The following ABI1 variants were observed in gnomAD, a reference collection of about 807,000 sequenced individuals.
The protein encoded by ABI1 is Abelson interactor 1.
In ABI1, 14 loss-of-function variants were observed where a neutral mutation model predicts 54.6. The observed-to-expected ratio is 0.26, with a 90% confidence interval of 0.17 to 0.40. ABI1 has a LOEUF of 0.40. Among genes scored for constraint, ABI1 ranks in the 10% least tolerant of loss-of-function variants. The pLI, the probability that ABI1 is intolerant of heterozygous loss-of-function variation, is 1.00. For synonymous variants in ABI1, 194 were observed against 209.3 expected (o/e 0.93, Z 0.63); for missense variants, 443 against 598.3 (o/e 0.74, Z 2.71).
At chr10:26,755,884 A>C in intron 8 of ABI1, 143 bp from the exon 9 acceptor site, 1 of 531,102 alleles carries the variant, frequency 1.9e-6, no homozygotes, top group Non-Finnish European at 3.2e-6. Flanking sequence ...CAAAACAAAA[A>C]ACAAAACAAA....
intron 2 of ABI1, among the ~76,000 whole-genome samples, chr10:26,798,952 C>T (rs181924974): frequency 1.6e-4 from 24 of 150,930 alleles, no homozygotes; most frequent in Middle Eastern, 3.4e-3. Flanking sequence ...AACAAATCTC[C>T]GAAGGAAGTT....
At chr10:26,839,666 A>AAAT (rs35759617) in intron 1 of ABI1, 8,883 of 629,932 alleles carry the variant, frequency 0.014, 103 homozygotes, top group East Asian at 0.053. Flanking sequence ...AAAAAAAAAA[A>AAAT]CATGCCAGGC....
At chr10:26,852,614 A>G (rs1280853318) in intron 1 of ABI1, among the ~76,000 whole-genome samples, 1 of 152,200 alleles carries the variant, frequency 6.6e-6, no homozygotes, top group Non-Finnish European at 1.5e-5. Context: ...TTAATTTCCC[A>G]TGGGTTCTGA....
rs1173767563 is a variant in ABI1 at position 26,833,771 on chromosome 10, C to CACACAT, written c.118-10467_118-10466insATGTGT. Among the ~76,000 whole-genome samples, 92 of 14,684 alleles carry CACACAT rather than the reference C, an allele frequency of 6.3e-3. 1 individual carries two copies. Among genetic ancestry groups the CACACAT allele is most frequent in the Middle Eastern group, 0.05 (1 of 20 alleles). 9.6% of individuals were successfully genotyped at this position (14,684 alleles called of 152,430 possible). Reference sequence around the variant, plus strand: ...GATAATGTATATCACAATATTTATACACACACACACACACACACACACTTC... The same window carrying CACACAT: ...GATAATGTATATCACAATATTTATACACACATACACACACACACACACACACACTTC... On this transcript the variant is annotated intron_variant, in intron 1 of 10. Coordinates refer to ENST00000376140, the MANE Select transcript of ABI1 (RefSeq NM_001012750.3).
At chr10:26,805,211 T>C (rs1439249343) in intron 2 of ABI1, among the ~76,000 whole-genome samples, 5 of 152,214 alleles carry the variant, frequency 3.3e-5, no homozygotes, top group African/African-American at 7.2e-5. Flanking sequence ...TGCCATGCTA[T>C]GGTATCTGAA....
intron 1 of ABI1, among the ~76,000 whole-genome samples, chr10:26,832,812 G>C (rs1352540700): frequency 2.0e-5 from 3 of 151,990 alleles, no homozygotes; most frequent in South Asian, 2.1e-4. Context: ...AGAGATGAGA[G>C]GATCAGGGAA....
intron 2 of ABI1, among the ~76,000 whole-genome samples, chr10:26,781,778 AAT>A (rs1176485283): frequency 6.6e-6 from 1 of 152,192 alleles, no homozygotes; most frequent in Non-Finnish European, 1.5e-5. Flanking sequence ...CTGGGTCACT[AAT>A]ATAGATGTTT....
At chr10:26,834,548 AACACACACACACACAC>A (rs571268846) in intron 1 of ABI1, among the ~76,000 whole-genome samples, 19 of 138,624 alleles carry the variant, frequency 1.4e-4, no homozygotes, top group Middle Eastern at 3.5e-3. Context: ...AGACATACAA[AACACACACACACACAC>A]ACACACACAC....
rs1170817525 is a variant in ABI1 at position 26,860,486 on chromosome 10, G to A, written c.117+261C>T. ...GGGGGCGCCGGGCTGCGGCAGCGGC[G>A]GGCTCCCGGCTCCCTCGCCCATTTT... On this transcript the variant is annotated intron_variant, in intron 1 of 10. Coordinates refer to ENST00000376140, the MANE Select transcript of ABI1 (RefSeq NM_001012750.3). The surrounding 1 kb of genome is among the most constrained non-coding windows in gnomAD (Gnocchi z 4.1). Among the ~76,000 whole-genome samples the A allele has an allele frequency of 1.3e-5, 2 of 152,272 alleles. No individual in the cohort carries two copies. Among genetic ancestry groups the A allele is most frequent in the Non-Finnish European group, 1.5e-5 (1 of 68,002 alleles).
chr10:26,836,514 G>T (rs773591372), intron 1 of ABI1, among the ~76,000 whole-genome samples: 7 of 152,328 alleles, frequency 4.6e-5, no homozygotes, highest in Non-Finnish European at 1.0e-4. Flanking sequence ...TAATATGCCA[G>T]ACAATGAGAA....
chr10:26,793,564 A>G (rs1843734901), intron 2 of ABI1, among the ~76,000 whole-genome samples: 1 of 152,214 alleles, frequency 6.6e-6, no homozygotes, highest in Non-Finnish European at 1.5e-5. Flanking sequence ...CTAATTTTTT[A>G]GTACTTCCCA....
At position 26,759,088 on chromosome 10, in the gene ABI1, C is replaced by T; in HGVS notation, c.971G>A (p.Gly324Glu). Residue 324 changes from glycine to glutamate, a missense_variant, in exon 8 of 11, where the codon GGA becomes GAA. Gly to Glu is a moderately conservative substitution (Grantham distance 98). This residue lies in a region of ABI1 where 394 missense variants were observed against 484.8 expected (regional missense o/e 0.81). Transcript: ENST00000376140. ...TGAATTTTGAGAATAAAGTGGACCT[C>T]CATTAACATGAGGCTGAGCAGAAAA... ...AQFSAQPHVNGGPLYSQNSIS... is the reference protein window; with the variant it reads ...AQFSAQPHVNEGPLYSQNSIS... 6.2e-7 allele frequency: 1 copy of T among 1,613,832 alleles called. No individual in the cohort carries two copies. Among genetic ancestry groups the T allele is most frequent in the Non-Finnish European group, 8.5e-7 (1 of 1,179,904 alleles).
chr10:26,784,400 T>G (rs571298339), intron 2 of ABI1, among the ~76,000 whole-genome samples: 1 of 152,292 alleles, frequency 6.6e-6, no homozygotes, highest in South Asian at 2.1e-4. Flanking sequence ...CTGACTGCCT[T>G]CAGGCCATCT....
At chr10:26,797,886 G>A (rs1343250436) in intron 2 of ABI1, among the ~76,000 whole-genome samples, 2 of 152,066 alleles carry the variant, frequency 1.3e-5, no homozygotes. Flanking sequence ...CAAAGTAACA[G>A]ACTTTATGTC....
At chr10:26,767,816 G>A (rs1004190969) in intron 6 of ABI1, among the ~76,000 whole-genome samples, 9 of 152,148 alleles carry the variant, frequency 5.9e-5, no homozygotes, top group African/African-American at 2.2e-4. Flanking sequence ...GGAGGCCGAG[G>A]TGGGTGGATC....
At chr10:26,788,535 G>C (rs187190025) in intron 2 of ABI1, among the ~76,000 whole-genome samples, 141 of 152,248 alleles carry the variant, frequency 9.3e-4, no homozygotes, top group African/African-American at 3.0e-3. Flanking sequence ...TGATGAATGT[G>C]ATTTAGGTTC....
chr10:26,833,769 T>C (rs1178456285), intron 1 of ABI1, among the ~76,000 whole-genome samples: 1 of 150,184 alleles, frequency 6.7e-6, no homozygotes, highest in East Asian at 2.0e-4. Context: ...ACAATATTTA[T>C]ACACACACAC....
At chr10:26,755,321 TTC>T (rs1838165395) in intron 9 of ABI1, among the ~76,000 whole-genome samples, 1 of 152,208 alleles carries the variant, frequency 6.6e-6, no homozygotes, top group Admixed American at 6.5e-5. Context: ...TGTCTTCTAA[TTC>T]TAGTAACTGT....
intron 2 of ABI1, among the ~76,000 whole-genome samples, chr10:26,801,305 T>G (rs2046540731): frequency 6.6e-6 from 1 of 152,016 alleles, no homozygotes; most frequent in African/African-American, 2.4e-5. Context: ...CCCAGCACTT[T>G]GGAGGCCAAG....
Sources: gnomAD v4.1 joint callset for allele counts (sites outside exome capture counted in the v4.1 genomes callset) on GRCh38, gnomAD v4.1.1 for gene constraint, gnomAD v4.1.1 regional missense constraint, Gnocchi (gnomAD v3.1) non-coding constraint, MANE v1.5 for transcripts, NCBI Gene and HGNC (gene_info 2026-07-23, HGNC 2026-07-21) for gene names.